The following KDM6A variants were observed in gnomAD, a reference collection of about 807,000 sequenced individuals.
KDM6A encodes lysine demethylase 6A, also known as lysine-specific demethylase 6A.
In KDM6A, 11 loss-of-function variants were observed where a neutral mutation model predicts 117.6. The ratio of observed to expected loss-of-function variants is 0.09; its 90% CI spans 0.06 to 0.15. KDM6A has a LOEUF of 0.15. KDM6A is among the 10% of genes least tolerant of loss of function. The probability of loss-of-function intolerance (pLI) is 1.00; values close to 1 mark genes in which losing one functional copy is unlikely to be tolerated. For synonymous variants in KDM6A, 384 were observed against 396.1 expected (o/e 0.97, Z 0.36); for missense variants, 799 against 1,077.3 (o/e 0.74, Z 3.62).
At chrX:45,016,155 ATTT>A (rs141112867) in intron 5 of KDM6A, among the ~76,000 whole-genome samples, 1 of 110,940 alleles carries the variant, frequency 9.0e-6, no homozygotes, top group Non-Finnish European at 1.9e-5. Flanking sequence ...CATCTTAAGC[ATTT>A]TTTTTAACCT....
At chrX:45,067,360 ATAGT>A (rs1459167352) in intron 17 of KDM6A, among the ~76,000 whole-genome samples, 5 of 112,100 alleles carry the variant, frequency 4.5e-5, no homozygotes, top group East Asian at 5.5e-4. Context: ...ATGTAATAAA[ATAGT>A]TACTTTGTCA....
At chrX:44,983,837 T>A (rs2040039712) in intron 4 of KDM6A, among the ~76,000 whole-genome samples, 2 of 109,764 alleles carry the variant, frequency 1.8e-5, no homozygotes, top group African/African-American at 6.7e-5. Flanking sequence ...TGGTTCCAAG[T>A]CTTTGCTATT....
intron 2 of KDM6A, among the ~76,000 whole-genome samples, chrX:44,886,290 C>T (rs987589620): frequency 1.8e-5 from 2 of 110,391 alleles, no homozygotes; most frequent in African/African-American, 6.6e-5. Context: ...CCTTGTGATC[C>T]GCCCGCCTTG....
chrX:45,068,584 G>C (rs2044648733), intron 17 of KDM6A, among the ~76,000 whole-genome samples: 1 of 100,745 alleles, frequency 9.9e-6, no homozygotes, highest in South Asian at 4.6e-4. Flanking sequence ...AAAAAAGAGA[G>C]ACACAAGGTT....
rs1555956840 is a variant in KDM6A at position 44,873,373 on chromosome X, G to GCCGCCGCCGCCGCCTTCA, written c.-168_-151dup. On this transcript the variant is annotated 5_prime_UTR_variant, in exon 1 of 30. Coordinates refer to ENST00000611820, the MANE Select transcript of KDM6A (RefSeq NM_001291415.2). Reference sequence around the variant, plus strand: ...ACCCGGGGGCTCCGCAGCCCCTGCCGCCGCCGCCGCCGCCTTCACCGCCGC... The same window carrying GCCGCCGCCGCCGCCTTCA: ...ACCCGGGGGCTCCGCAGCCCCTGCCGCCGCCGCCGCCGCCTTCACCGCCGCCGCCGCCTTCACCGCCGC... 4.6e-6 allele frequency: 3 copies of GCCGCCGCCGCCGCCTTCA among 651,678 alleles called. No homozygotes were observed. The highest frequency in any genetic ancestry group is 4.0e-5 in the East Asian group (1 of 24,692). 53.7% of individuals were successfully genotyped at this position (651,678 alleles called of 1,213,427 possible).
At chrX:44,911,670 G>A (rs974774622) in intron 2 of KDM6A, among the ~76,000 whole-genome samples, 3 of 111,967 alleles carry the variant, frequency 2.7e-5, no homozygotes, top group African/African-American at 9.7e-5. Context: ...GGAGGCCAAG[G>A]CAGGCGGCTG....
chrX:44,901,098 C>T (rs934268104), intron 2 of KDM6A, among the ~76,000 whole-genome samples: 7 of 111,260 alleles, frequency 6.3e-5, no homozygotes, highest in African/African-American at 2.3e-4. Flanking sequence ...ATTATGAGGA[C>T]GGCCAGGTGC....
rs1211843239 is a variant in KDM6A, at chrX:45,109,126, AAAT to A, written c.4162-938_4162-936del. Among the ~76,000 whole-genome samples the A allele has an allele frequency of 5.4e-3, 561 of 104,141 alleles. 5 individuals carry two copies. The highest frequency in any genetic ancestry group is 0.018 in the African/African-American group (519 of 28,623). 90.4% of individuals were successfully genotyped at this position (104,141 alleles called of 115,157 possible). A position where few individuals can be genotyped will look rare whatever the true frequency, so the allele number is the denominator to read the frequency against. Reference sequence around the variant, plus strand: ...CTAAAACTTAAAGTATAATTTAAAAAAATAATAATAATAATAAATAAATAAATA... The same window carrying A: ...CTAAAACTTAAAGTATAATTTAAAAAAATAATAATAATAAATAAATAAATA... On this transcript the variant is annotated intron_variant, in intron 28 of 29. Transcript: ENST00000611820.
At chrX:44,990,742 G>A (rs1054189194) in intron 4 of KDM6A, among the ~76,000 whole-genome samples, 4 of 111,196 alleles carry the variant, frequency 3.6e-5, no homozygotes, top group African/African-American at 1.3e-4. Flanking sequence ...TAGAACTGCA[G>A]TTGACTTTTA....
intron 2 of KDM6A, among the ~76,000 whole-genome samples, chrX:44,925,805 T>C (rs1253299476): frequency 8.9e-6 from 1 of 111,990 alleles, no homozygotes; most frequent in African/African-American, 3.2e-5. Flanking sequence ...CTACATTCCA[T>C]GGAACACTGT....
chrX:45,100,126 T>C (rs1273396633), intron 27 of KDM6A, among the ~76,000 whole-genome samples: 1 of 112,205 alleles, frequency 8.9e-6, no homozygotes, highest in Non-Finnish European at 1.9e-5. Flanking sequence ...TTTCTCTTTG[T>C]ACAATACTAA....
chrX:44,974,670 A>G lies in KDM6A; in HGVS notation c.339A>G (p.Leu113=). 8.5e-7 allele frequency: 1 copy of G among 1,169,952 alleles called. No individual in the cohort carries two copies. The highest frequency in any genetic ancestry group is 1.2e-6 in the Non-Finnish European group (1 of 857,488). ...TCATAATTATTTTCCTTTCAGCATT[A>G]TCTGCATACCAGAGGTACTACAGTT... ...NLLLEDYPKA[L]SAYQRYYSLQ... is the part of the protein sequence containing the mutation. Residue 113 remains leucine (L), a synonymous_variant, in exon 4 of 30, where the codon TTA becomes TTG. Coordinates refer to ENST00000611820, the MANE Select transcript of KDM6A (RefSeq NM_001291415.2).
intron 4 of KDM6A, among the ~76,000 whole-genome samples, chrX:44,976,334 T>C (rs1474220129): frequency 9.0e-6 from 1 of 111,599 alleles, no homozygotes; most frequent in African/African-American, 3.3e-5. Flanking sequence ...GTTTTCAAGG[T>C]TCATATATGT....
chrX:45,031,338 A>G (rs1305609094), intron 6 of KDM6A, among the ~76,000 whole-genome samples: 1 of 112,178 alleles, frequency 8.9e-6, no homozygotes, highest in Non-Finnish European at 1.9e-5. Context: ...TGCCTGGCAT[A>G]GATAAAAGCT....
chrX:44,910,424 A>G (rs775971310), intron 2 of KDM6A, among the ~76,000 whole-genome samples: 3 of 110,714 alleles, frequency 2.7e-5, no homozygotes, highest in Admixed American at 1.9e-4. Context: ...CCTGACCTCA[A>G]ATGATCTGCC....
intron 2 of KDM6A, among the ~76,000 whole-genome samples, chrX:44,911,625 G>A (rs2035178001): frequency 8.9e-6 from 1 of 112,441 alleles, no homozygotes; most frequent in African/African-American, 3.2e-5. Context: ...CAGATGGGGT[G>A]GCGGCTGGGC....
At chrX:44,962,577 T>C (rs761641562) in intron 3 of KDM6A, among the ~76,000 whole-genome samples, 1 of 112,203 alleles carries the variant, frequency 8.9e-6, no homozygotes, top group East Asian at 2.8e-4. Context: ...TAAAGGAAAC[T>C]ATTGTACCAA....
intron 2 of KDM6A, among the ~76,000 whole-genome samples, chrX:44,947,552 A>G (rs1201816116): frequency 9.1e-6 from 1 of 109,454 alleles, no homozygotes; most frequent in Non-Finnish European, 1.9e-5. Context: ...ATTGTTTTAT[A>G]TTTTTAGTAG....
At chrX:45,053,764 G>T in intron 9 of KDM6A, 65 bp from the exon 10 acceptor site, 1 of 914,251 alleles carries the variant, frequency 1.1e-6, no homozygotes, top group Non-Finnish European at 1.6e-6. Flanking sequence ...TTTCTGCTTC[G>T]TATTCTTAAA....
Sources: allele counts gnomAD v4.1 joint callset (sites outside exome capture counted in the v4.1 genomes callset), GRCh38; gene constraint gnomAD v4.1.1; transcripts MANE v1.5; gene names NCBI Gene and HGNC (gene_info 2026-07-23, HGNC 2026-07-21).